BCKDHB: variants seen among roughly 807,000 people sequenced by gnomAD.
BCKDHB encodes the protein branched chain keto acid dehydrogenase E1 subunit beta, also known as 2-oxoisovalerate dehydrogenase subunit beta, mitochondrial.
In BCKDHB, 41 loss-of-function variants were observed where a neutral mutation model predicts 48.5. The observed-to-expected ratio is 0.85, with a 90% CI of 0.66 to 1.10. The LOEUF is 1.10. Among genes scored for constraint, BCKDHB ranks in the 50% least tolerant of loss-of-function variants. The pLI is 0.00. For synonymous variants in BCKDHB, 201 were observed against 174.8 expected, an observed-to-expected ratio of 1.15 and a Z score of -1.18; for missense variants, 496 against 494.2, an observed-to-expected ratio of 1.00 and a Z score of -0.03.
chr6:80,441,834 A>G, the BCKDHB span, among the ~76,000 whole-genome samples: 6 of 152,306 alleles, frequency 3.9e-5, no homozygotes, highest in Middle Eastern at 3.4e-3. Context: ...GATGATAGGA[A>G]TAAATGCTGA....
At chr6:80,425,642 A>G in the BCKDHB span, among the ~76,000 whole-genome samples, 4 of 152,190 alleles carry the variant, frequency 2.6e-5, no homozygotes, top group Admixed American at 1.3e-4. Flanking sequence ...GCAGCTGATG[A>G]CAATGAAACC....
chr6:80,433,428 C>A, the BCKDHB span, among the ~76,000 whole-genome samples: 56 of 152,282 alleles, frequency 3.7e-4, no homozygotes, highest in Admixed American at 1.9e-3. Flanking sequence ...CCACCCAGTT[C>A]AAACTTCCCA....
chr6:80,380,701 A>T, the BCKDHB span, among the ~76,000 whole-genome samples: 1 of 151,992 alleles, frequency 6.6e-6, no homozygotes, highest in East Asian at 1.9e-4. Flanking sequence ...AAGGACTTAT[A>T]TCCAGAATCT....
At chr6:80,448,612 G>A in the BCKDHB span, among the ~76,000 whole-genome samples, 3 of 152,104 alleles carry the variant, frequency 2.0e-5, no homozygotes, top group Non-Finnish European at 4.4e-5. Flanking sequence ...ATTTTTTATT[G>A]TATTAATAAA....
chr6:80,287,985 G>A (rs914580626), intron 9 of BCKDHB, among the ~76,000 whole-genome samples: 1 of 152,122 alleles, frequency 6.6e-6, no homozygotes, highest in Non-Finnish European at 1.5e-5. Flanking sequence ...TTCTTAGTTA[G>A]TGACAAACTA....
chr6:80,452,068 C>G, the BCKDHB span, among the ~76,000 whole-genome samples: 1 of 152,176 alleles, frequency 6.6e-6, no homozygotes, highest in Non-Finnish European at 1.5e-5. Context: ...GTGTCTTCTT[C>G]TGAACCCCAG....
chr6:80,384,518 C>G, the BCKDHB span, among the ~76,000 whole-genome samples: 5 of 152,140 alleles, frequency 3.3e-5, no homozygotes, highest in Admixed American at 3.3e-4. Context: ...GCCACAATGC[C>G]TGGCTAACTT....
At chr6:80,371,945 T>C in the BCKDHB span, among the ~76,000 whole-genome samples, 2 of 152,036 alleles carry the variant, frequency 1.3e-5, no homozygotes, top group African/African-American at 4.8e-5. Context: ...TTTTGCTTCA[T>C]CTTGCTTTGG....
At chr6:80,144,469 T>A (rs1028569973) in intron 3 of BCKDHB, among the ~76,000 whole-genome samples, 1 of 152,194 alleles carries the variant, frequency 6.6e-6, no homozygotes, top group African/African-American at 2.4e-5. Flanking sequence ...ATACATTTAA[T>A]GCACTAGTTG....
chr6:80,362,205 C>T, the BCKDHB span, among the ~76,000 whole-genome samples: 2 of 152,132 alleles, frequency 1.3e-5, no homozygotes, highest in Non-Finnish European at 2.9e-5. Context: ...TGATGGTCAA[C>T]TTGATCTTAT....
At chr6:80,299,102 G>T (rs1339980448) in intron 9 of BCKDHB, among the ~76,000 whole-genome samples, 2 of 152,010 alleles carry the variant, frequency 1.3e-5, no homozygotes, top group East Asian at 1.9e-4. Flanking sequence ...TTTTAGGAAG[G>T]ACTCTAACCT....
intron 8 of BCKDHB, among the ~76,000 whole-genome samples, chr6:80,239,211 C>A (rs2127907704): frequency 6.6e-6 from 1 of 152,258 alleles, no homozygotes; most frequent in East Asian, 1.9e-4. Context: ...GTTTACACTC[C>A]CACCAACAGT....
At chr6:80,303,577 T>A (rs1767696463) in intron 9 of BCKDHB, among the ~76,000 whole-genome samples, 3 of 151,990 alleles carry the variant, frequency 2.0e-5, no homozygotes, top group Admixed American at 6.6e-5. Flanking sequence ...GCATTTGGCG[T>A]TCATCTATGT....
the BCKDHB span, among the ~76,000 whole-genome samples, chr6:80,403,646 T>C: frequency 3.7e-3 from 566 of 152,048 alleles, 2 homozygotes; most frequent in African/African-American, 0.013. Context: ...TGGGCATCAT[T>C]ATCTTATTCT....
At chr6:80,357,310 C>A in the BCKDHB span, among the ~76,000 whole-genome samples, 233 of 152,146 alleles carry the variant, frequency 1.5e-3, 3 homozygotes, top group East Asian at 7.0e-3. Context: ...GAGGAGCTGC[C>A]AGATAAGAGA....
At chr6:80,404,949 G>T in the BCKDHB span, among the ~76,000 whole-genome samples, 1 of 152,072 alleles carries the variant, frequency 6.6e-6, no homozygotes, top group Non-Finnish European at 1.5e-5. Flanking sequence ...GACTGATTTT[G>T]TGGCCTGCCG....
the BCKDHB span, among the ~76,000 whole-genome samples, chr6:80,459,139 A>G: frequency 6.6e-6 from 1 of 152,296 alleles, no homozygotes; most frequent in South Asian, 2.1e-4. Flanking sequence ...GTATTTATCC[A>G]AAAGAATTGA....
intron 3 of BCKDHB, among the ~76,000 whole-genome samples, chr6:80,156,594 C>A (rs1366693074): frequency 6.6e-6 from 1 of 152,026 alleles, no homozygotes; most frequent in Non-Finnish European, 1.5e-5. Context: ...GCTGTGATAC[C>A]AACCATATCT....
Position 80,133,650 on chromosome 6 carries a change from C to CT in BCKDHB, c.343+4431dup, listed in dbSNP as rs374351765. Among the ~76,000 whole-genome samples the CT allele has an allele frequency of 1.8e-3, 267 of 148,454 alleles. 1 individual carries two copies. Among genetic ancestry groups the CT allele is most frequent in the African/African-American group, 6.0e-3 (242 of 40,380 alleles). ...AATGCCACACATGCTTTCTTTCTTT[C>CT]TTTTTTTTTTAAGACAGAGTCTTGC... On this transcript the variant is annotated intron_variant, in intron 3 of 9. Transcript: ENST00000320393.
Sources: gnomAD v4.1 joint callset for allele counts (sites outside exome capture counted in the v4.1 genomes callset) on GRCh38, gnomAD v4.1.1 for gene constraint, MANE v1.5 for transcripts, NCBI Gene and HGNC (gene_info 2026-07-23, HGNC 2026-07-21) for gene names.